Variants in NCOA1 observed in about 807,000 individuals in gnomAD.
NCOA1 encodes the protein Hin-2 protein.
NCOA1 carries 35 observed loss-of-function variants against 150.9 expected under a neutral mutation model. The observed-to-expected ratio is 0.23, with a 90% CI of 0.18 to 0.31. NCOA1 has a LOEUF of 0.31. NCOA1 is among the 10% of genes least tolerant of loss of function. The pLI, the probability that NCOA1 is intolerant of heterozygous loss-of-function variation, is 1.00. For missense variants in NCOA1, 1,491 were observed against 1,749.3 expected, an observed-to-expected ratio of 0.85 and a Z score of 2.63; for synonymous variants, 590 against 630.0, an observed-to-expected ratio of 0.94 and a Z score of 0.95.
At chr2:24,690,651 C>CAAAAAAAAAAAAA (rs70947837) in intron 8 of NCOA1, among the ~76,000 whole-genome samples, 8 of 38,444 alleles carry the variant, frequency 2.1e-4, no homozygotes, top group African/African-American at 2.6e-4. Flanking sequence ...GATTCCATCT[C>CAAAAAAAAAAAAA]AAAAAAAAAA....
rs148973465 is a variant in NCOA1 at position 24,707,036 on chromosome 2, A to T, written c.1566A>T (p.Thr522=). The change falls in exon 13 of 23, where the codon ACA becomes ACT. Residue 522 remains threonine, a synonymous_variant. Coordinates refer to ENST00000348332, the MANE Select transcript of NCOA1 (RefSeq NM_003743.5). The part of the protein sequence containing the change: ...ISTLSSPVGM[T]SSACNNNNRS... Reference sequence around the variant, plus strand: ...CATTAAGCTCTCCCGTTGGCATGACAAGTAGTGCCTGTAATAATAATAACC... The same window carrying T: ...CATTAAGCTCTCCCGTTGGCATGACTAGTAGTGCCTGTAATAATAATAACC... 7.3e-5 allele frequency: 118 copies of T among 1,614,198 alleles called. No individual in the cohort carries two copies. The African/African-American group carries it at 1.5e-3, about 20-fold the overall frequency.
intron 1 of NCOA1, among the ~76,000 whole-genome samples, chr2:24,503,629 C>G (rs1472779308): frequency 6.6e-6 from 1 of 151,726 alleles, no homozygotes; most frequent in Admixed American, 6.6e-5. Context: ...CAAAATATGT[C>G]ACATGAGAGT....
At chr2:24,697,551 A>G (rs1672959182) in intron 10 of NCOA1, 107 bp from the exon 11 acceptor site, 1 of 978,288 alleles carries the variant, frequency 1.0e-6, no homozygotes, top group South Asian at 1.8e-5. Context: ...GCTTTTGTTT[A>G]TTGAGTATTT....
chr2:24,615,638 G>T (rs1322828787), intron 3 of NCOA1, among the ~76,000 whole-genome samples: 1 of 152,106 alleles, frequency 6.6e-6, no homozygotes, highest in African/African-American at 2.4e-5. Flanking sequence ...ATTGTCCTAG[G>T]CTCTGGAGAT....
chr2:24,613,409 A>T (rs1668724443), intron 3 of NCOA1, among the ~76,000 whole-genome samples: 1 of 152,152 alleles, frequency 6.6e-6, no homozygotes, highest in Non-Finnish European at 1.5e-5. Context: ...AAGCAAGATG[A>T]GTGGGGCCAG....
intron 1 of NCOA1, among the ~76,000 whole-genome samples, chr2:24,536,665 G>A (rs550186300): frequency 6.6e-6 from 1 of 152,198 alleles, no homozygotes; most frequent in Non-Finnish European, 1.5e-5. Context: ...TGATGTTGAT[G>A]CTATTCCTTT....
intron 3 of NCOA1, among the ~76,000 whole-genome samples, chr2:24,601,510 T>A (rs1668115480): frequency 6.6e-6 from 1 of 151,416 alleles, no homozygotes. Context: ...CCACTGCATC[T>A]GGTCAGATCC....
chr2:24,593,500 A>G (rs1462719707), intron 3 of NCOA1, among the ~76,000 whole-genome samples: 1 of 151,164 alleles, frequency 6.6e-6, no homozygotes, highest in Admixed American at 6.6e-5. Context: ...TTGAATGTTT[A>G]TTTTTTTTTA....
At chr2:24,751,588 A>C (rs770905874) in intron 19 of NCOA1, among the ~76,000 whole-genome samples, 1 of 117,682 alleles carries the variant, frequency 8.5e-6, no homozygotes. Flanking sequence ...ATCTCGGGGG[A>C]AAAAAAAAAA....
At chr2:24,625,751 G>GT (rs34945090) in intron 3 of NCOA1, among the ~76,000 whole-genome samples, 68 of 143,678 alleles carry the variant, frequency 4.7e-4, no homozygotes, top group East Asian at 1.0e-3. Flanking sequence ...TTTCTGTTTT[G>GT]TTTTTTTTTT....
intron 14 of NCOA1, among the ~76,000 whole-genome samples, chr2:24,716,319 G>C (rs1006383874): frequency 7.3e-5 from 11 of 150,802 alleles, no homozygotes; most frequent in African/African-American, 2.2e-4. Flanking sequence ...TAAAGCACCA[G>C]TCATCAAGAT....
At chr2:24,764,703 A>C (rs1006094722) in intron 22 of NCOA1, among the ~76,000 whole-genome samples, 13 of 152,238 alleles carry the variant, frequency 8.5e-5, no homozygotes, top group Non-Finnish European at 1.9e-4. Context: ...TGAATGCTAA[A>C]CTGAGGGATT....
At chr2:24,621,632 C>T (rs945438176) in intron 3 of NCOA1, among the ~76,000 whole-genome samples, 12 of 151,826 alleles carry the variant, frequency 7.9e-5, no homozygotes, top group African/African-American at 2.9e-4. Flanking sequence ...GCACCTGCCA[C>T]CATGCCCGGC....
intron 2 of NCOA1, among the ~76,000 whole-genome samples, chr2:24,577,703 G>A (rs1327264671): frequency 2.0e-5 from 3 of 151,244 alleles, no homozygotes; most frequent in Non-Finnish European, 2.9e-5. Context: ...TTGGGTGATA[G>A]TACTTTGTAA....
chr2:24,496,365 A>G (rs1227238564), intron 1 of NCOA1, among the ~76,000 whole-genome samples: 1 of 152,240 alleles, frequency 6.6e-6, no homozygotes, highest in Non-Finnish European at 1.5e-5. Context: ...CGCAAACTGT[A>G]AAGTGCTACG....
intron 1 of NCOA1, among the ~76,000 whole-genome samples, chr2:24,525,642 G>A (rs1664623260): frequency 6.6e-6 from 1 of 151,936 alleles, no homozygotes; most frequent in Non-Finnish European, 1.5e-5. Flanking sequence ...TGCCTCCTGG[G>A]TTCATGCAAT....
chr2:24,531,913 A>G (rs999600682), intron 1 of NCOA1, among the ~76,000 whole-genome samples: 11 of 152,170 alleles, frequency 7.2e-5, no homozygotes, highest in African/African-American at 2.7e-4. Flanking sequence ...GCTGCAGTAA[A>G]CATACGTGTG....
At chr2:24,580,431 G>A (rs907372259) in intron 2 of NCOA1, among the ~76,000 whole-genome samples, 1 of 152,140 alleles carries the variant, frequency 6.6e-6, no homozygotes, top group Non-Finnish European at 1.5e-5. Context: ...GTTAGGTCTT[G>A]AGGCTCTAAT....
intron 22 of NCOA1, chr2:24,767,903 AC>A: frequency 1.7e-6 from 1 of 571,530 alleles, no homozygotes. Flanking sequence ...ACCACTGGAT[AC>A]CCAGACTCTG....
Sources: allele counts gnomAD v4.1 joint callset (sites outside exome capture counted in the v4.1 genomes callset), GRCh38; gene constraint gnomAD v4.1.1; transcripts MANE v1.5; gene names NCBI Gene and HGNC (gene_info 2026-07-23, HGNC 2026-07-21).